DNMT3A: variants seen among roughly 807,000 people sequenced by gnomAD.
The protein encoded by DNMT3A is DNA (cytosine-5)-methyltransferase 3A.
In DNMT3A, 267 loss-of-function variants were observed where a neutral mutation model predicts 117.6. The ratio of observed to expected loss-of-function variants is 2.27; its 90% CI spans 2.05 to 2.51. The LOEUF (loss-of-function observed/expected upper bound fraction) is 2.51. Among genes scored for constraint, DNMT3A ranks in the 30% most tolerant of loss-of-function variants. The probability of loss-of-function intolerance (pLI) is 0.00; values close to 1 mark genes in which losing one functional copy is unlikely to be tolerated. For synonymous variants in DNMT3A, 432 were observed against 474.8 expected (o/e 0.91, Z 1.17); for missense variants, 1,029 against 1,260.2 (o/e 0.82, Z 2.78).
At chr2:25,267,891 A>C (rs771963192) in intron 6 of DNMT3A, among the ~76,000 whole-genome samples, 3 of 152,240 alleles carry the variant, frequency 2.0e-5, no homozygotes, top group Non-Finnish European at 4.4e-5. Context: ...TGCTGCTGTC[A>C]TGGAGATGCA....
intron 2 of DNMT3A, among the ~76,000 whole-genome samples, chr2:25,310,829 C>T (rs896030939): frequency 6.6e-6 from 1 of 152,120 alleles, no homozygotes; most frequent in African/African-American, 2.4e-5. Flanking sequence ...TAAAGGTGCC[C>T]GGCTGGGTCC....
In DNMT3A at chr2:25,263,046, G is replaced by A. The variant is rs185989359; in HGVS notation, c.639+11895C>T. ...CATGATCATGGCTCACTGCAGCCTC[G>A]ACCTCAGCCTCCTGAGTAGCTGGGA... On this transcript the variant is annotated intron_variant, in intron 6 of 22. Transcript: ENST00000321117. Among the ~76,000 whole-genome samples, 7 of 152,034 alleles carry A rather than the reference G, an allele frequency of 4.6e-5. No individual in the cohort carries two copies. In the East Asian group the frequency reaches 1.2e-3, roughly 25 times the overall value.
chr2:25,307,237 G>A (rs1016228805), intron 2 of DNMT3A, among the ~76,000 whole-genome samples: 1 of 152,330 alleles, frequency 6.6e-6, no homozygotes, highest in East Asian at 1.9e-4. Flanking sequence ...CAGCTGCAGG[G>A]TATGACCAGG....
At position 25,240,461 on chromosome 2, in the gene DNMT3A, G is replaced by A. The variant is rs1302995674; in HGVS notation, c.2174-11C>T. 9 of 1,597,364 alleles carry A rather than the reference G, an allele frequency of 5.6e-6. No homozygotes were observed. Among genetic ancestry groups the A allele is most frequent in the African/African-American group, 4.0e-5 (3 of 74,520 alleles). ...GCCGGCCAGTGCCCTCTGAGAGGTC[G>A]GAAGAGAAAGCCATCAGCTGGGGCT... On this transcript the variant is annotated splice_polypyrimidine_tract_variant and intron_variant, in intron 18 of 22. Coordinates refer to ENST00000321117, the MANE Select transcript of DNMT3A (RefSeq NM_022552.5).
chr2:25,314,532 C>T (rs1253756231), intron 1 of DNMT3A: 4 of 985,206 alleles, frequency 4.1e-6, no homozygotes, highest in Admixed American at 6.1e-5. Context: ...CCAGCCTCCC[C>T]CAGAGGCCCC....
At chr2:25,271,800 A>G (rs1399373901) in intron 6 of DNMT3A, among the ~76,000 whole-genome samples, 1 of 152,178 alleles carries the variant, frequency 6.6e-6, no homozygotes, top group African/African-American at 2.4e-5. Context: ...AATTAAATCA[A>G]CATTTTGGTT....
At chr2:25,314,573 C>T in intron 1 of DNMT3A, 2 of 984,394 alleles carry the variant, frequency 2.0e-6, no homozygotes, top group Non-Finnish European at 2.4e-6. Flanking sequence ...TCTAATCTGT[C>T]CTCACCCCCA....
chr2:25,246,470 T>G, intron 10 of DNMT3A, 150 bp downstream of exon 10: 1 of 1,423,952 alleles, frequency 7.0e-7, no homozygotes, highest in East Asian at 2.3e-5. Context: ...GTCATTCAAG[T>G]CCTGACCCCA....
chr2:25,259,253 G>A (rs1390116170), intron 6 of DNMT3A, among the ~76,000 whole-genome samples: 4 of 152,244 alleles, frequency 2.6e-5, no homozygotes, highest in African/African-American at 9.6e-5. Context: ...TGCTGGGTCT[G>A]CCCAGCTCTA....
At chr2:25,288,825 TTC>T (rs1431732685) in intron 3 of DNMT3A, among the ~76,000 whole-genome samples, 1 of 152,126 alleles carries the variant, frequency 6.6e-6, no homozygotes, top group African/African-American at 2.4e-5. Flanking sequence ...CTCTTCTACT[TTC>T]TGTCTTCTAA....
chr2:25,300,753 ATAT>A (rs1474846523), intron 2 of DNMT3A, among the ~76,000 whole-genome samples: 2 of 62,378 alleles, frequency 3.2e-5, no homozygotes, highest in East Asian at 1.3e-3. Context: ...ATATATATAT[ATAT>A]ATATATATAT....
chr2:25,300,087 C>T (rs1386682215), intron 3 of DNMT3A, 52 bp downstream of exon 3: 2 of 1,577,726 alleles, frequency 1.3e-6, no homozygotes, highest in Non-Finnish European at 1.7e-6. Context: ...ACAGGCCAGG[C>T]ACGTGTGTGT....
intron 2 of DNMT3A, among the ~76,000 whole-genome samples, chr2:25,300,591 A>T (rs989022038): frequency 5.3e-5 from 7 of 131,326 alleles, no homozygotes; most frequent in Admixed American, 1.6e-4. Flanking sequence ...AAATACCCAC[A>T]CCCATATATA....
chr2:25,235,640 A>AC, intron 22 of DNMT3A, 67 bp downstream of exon 22: 1 of 1,259,312 alleles, frequency 7.9e-7, no homozygotes. Context: ...AAGGCAGAGG[A>AC]CCCCCGCAGC....
At chr2:25,258,936 A>G (rs1246142549) in intron 6 of DNMT3A, among the ~76,000 whole-genome samples, 5 of 152,174 alleles carry the variant, frequency 3.3e-5, no homozygotes. Context: ...TAAATCAAGG[A>G]GGAAGATGCA....
rs1051915595 is a variant in DNMT3A at position 25,257,361 on chromosome 2, G to A, written c.640-9109C>T. Among the ~76,000 whole-genome samples, 2 of 152,180 alleles carry A rather than the reference G, an allele frequency of 1.3e-5. No homozygotes were observed. Among genetic ancestry groups the A allele is most frequent in the African/African-American group, 2.4e-5 (1 of 41,442 alleles). On this transcript the variant is annotated intron_variant, in intron 6 of 22. Coordinates refer to ENST00000321117, the MANE Select transcript of DNMT3A (RefSeq NM_022552.5). This position sits in a 1 kb window ranked among gnomAD's most constrained non-coding sequence, Gnocchi z 4.8. ...GGGCAGACATTCCCCCTGTCCCTCA[G>A]TAACCCATCTCCATGGAAACCACCA...
intron 1 of DNMT3A, among the ~76,000 whole-genome samples, chr2:25,338,603 G>C (rs1024174977): frequency 2.0e-5 from 3 of 152,202 alleles, no homozygotes; most frequent in Non-Finnish European, 4.4e-5. Flanking sequence ...TCGCTCAGCA[G>C]ACACCCTCGG....
chr2:25,321,160 G>T (rs2034582318), intron 1 of DNMT3A, among the ~76,000 whole-genome samples: 1 of 151,406 alleles, frequency 6.6e-6, no homozygotes, highest in African/African-American at 2.4e-5. Flanking sequence ...TTGCAATTCT[G>T]CAAGTCAGTA....
At chr2:25,307,069 C>G (rs937832355) in intron 2 of DNMT3A, among the ~76,000 whole-genome samples, 1 of 152,236 alleles carries the variant, frequency 6.6e-6, no homozygotes, top group Admixed American at 6.5e-5. Flanking sequence ...AACCTCTGAC[C>G]ATCATCCTGC....
Sources: gnomAD v4.1 joint callset for allele counts (sites outside exome capture counted in the v4.1 genomes callset) on GRCh38, gnomAD v4.1.1 for gene constraint, Gnocchi (gnomAD v3.1) non-coding constraint, MANE v1.5 for transcripts, NCBI Gene and HGNC (gene_info 2026-07-23, HGNC 2026-07-21) for gene names.